The following LRRC37A2 variants were observed in gnomAD, a reference collection of about 807,000 sequenced individuals.
LRRC37A2 encodes leucine-rich repeat-containing protein 37A2.
A neutral mutation model predicts 68.8 loss-of-function variants in LRRC37A2; 9 were observed. The observed-to-expected ratio is 0.13, with a 90% CI of 0.08 to 0.23. The LOEUF (loss-of-function observed/expected upper bound fraction) is 0.23, where lower values mean the gene tolerates loss of function less well. Ranked by LOEUF, LRRC37A2 falls within the 10% of genes least tolerant of loss-of-function variation. The pLI is 1.00. For synonymous variants in LRRC37A2, 63 were observed against 367.6 expected (o/e 0.17, Z 9.48); for missense variants, 168 against 950.4 (o/e 0.18, Z 10.82).
chr17:46,849,597 G>T, the LRRC37A2 span, among the ~76,000 whole-genome samples: 1 of 152,212 alleles, frequency 6.6e-6, no homozygotes, highest in Admixed American at 6.5e-5. Context: ...TGCTGGAGCT[G>T]GGTCCAGCTG....
At chr17:46,694,302 G>A in the LRRC37A2 span, among the ~76,000 whole-genome samples, 3 of 139,058 alleles carry the variant, frequency 2.2e-5, no homozygotes, top group Non-Finnish European at 4.4e-5. Context: ...TAGGAGAATC[G>A]CCTGAATCCA....
At chr17:46,993,879 CAG>C in the LRRC37A2 span, among the ~76,000 whole-genome samples, 10,178 of 152,308 alleles carry the variant, frequency 0.067, 515 homozygotes, top group South Asian at 0.2. Flanking sequence ...AGATGAGGCT[CAG>C]AGAGTTGAAG....
At chr17:46,964,907 C>G in the LRRC37A2 span, 1 of 152,258 alleles carries the variant, frequency 6.6e-6, no homozygotes, top group Non-Finnish European at 1.5e-5. Flanking sequence ...GATTTGGCCT[C>G]TAACTGCAAG....
the LRRC37A2 span, chr17:46,936,111 C>T: frequency 1.0e-6 from 1 of 985,786 alleles, no homozygotes; most frequent in Non-Finnish European, 1.2e-6. Flanking sequence ...CTGACAGTTG[C>T]AGTGTCTCAG....
At chr17:46,734,820 G>A in the LRRC37A2 span, among the ~76,000 whole-genome samples, 3 of 152,146 alleles carry the variant, frequency 2.0e-5, no homozygotes, top group Non-Finnish European at 4.4e-5. Context: ...ACTTTGAGAG[G>A]CCAAGGCAGG....
the LRRC37A2 span, chr17:46,933,745 G>A: frequency 1.8e-4 from 28 of 151,594 alleles, no homozygotes; most frequent in African/African-American, 6.8e-4. Context: ...GACCAAGGCA[G>A]TGGATTGTTC....
the LRRC37A2 span, among the ~76,000 whole-genome samples, chr17:46,454,105 T>C: frequency 1.0e-5 from 1 of 98,524 alleles, no homozygotes; most frequent in Non-Finnish European, 2.2e-5. Flanking sequence ...ATTTTCTGTG[T>C]ACAGAAGCAT....
At chr17:46,816,765 G>A in the LRRC37A2 span, among the ~76,000 whole-genome samples, 1 of 152,144 alleles carries the variant, frequency 6.6e-6, no homozygotes, top group African/African-American at 2.4e-5. Context: ...CTCAGTCCCT[G>A]CCACCTATGG....
At chr17:46,858,604 A>C in the LRRC37A2 span, among the ~76,000 whole-genome samples, 1 of 152,158 alleles carries the variant, frequency 6.6e-6, no homozygotes, top group African/African-American at 2.4e-5. Flanking sequence ...CATAATAACT[A>C]GTATTGCAGT....
chr17:46,942,039 T>C, the LRRC37A2 span: 1 of 763,042 alleles, frequency 1.3e-6, no homozygotes, highest in Non-Finnish European at 1.6e-6. Context: ...CAAAAAAGAT[T>C]TGAGGAGACT....
the LRRC37A2 span, among the ~76,000 whole-genome samples, chr17:46,742,203 C>T: frequency 6.6e-6 from 1 of 152,170 alleles, no homozygotes; most frequent in Admixed American, 6.5e-5. Context: ...ACATGCCGTT[C>T]ATTCTAGATT....
chr17:46,837,287 C>G, the LRRC37A2 span, among the ~76,000 whole-genome samples: 1,193 of 152,276 alleles, frequency 7.8e-3, 11 homozygotes, highest in African/African-American at 0.028. Flanking sequence ...CCCCTTCATC[C>G]CTTTACTTAT....
chr17:46,983,813 C>G, the LRRC37A2 span, among the ~76,000 whole-genome samples: 3 of 152,206 alleles, frequency 2.0e-5, no homozygotes, highest in Non-Finnish European at 4.4e-5. Context: ...CTCAAGGTCT[C>G]TCATGAGGTT....
the LRRC37A2 span, among the ~76,000 whole-genome samples, chr17:46,955,022 G>C: frequency 2.0e-5 from 3 of 152,088 alleles, no homozygotes; most frequent in African/African-American, 4.8e-5. Context: ...CCTTCTGCCT[G>C]ATTGCCCTGG....
the LRRC37A2 span, among the ~76,000 whole-genome samples, chr17:46,850,142 G>C: frequency 6.6e-6 from 1 of 152,210 alleles, no homozygotes; most frequent in Non-Finnish European, 1.5e-5. Context: ...GAGCCAACGT[G>C]CCTGGCCAGC....
the LRRC37A2 span, among the ~76,000 whole-genome samples, chr17:46,834,672 T>A: frequency 6.6e-6 from 1 of 152,104 alleles, no homozygotes; most frequent in Non-Finnish European, 1.5e-5. Context: ...CCCTTCCCTG[T>A]CCTCTGTCAC....
At chr17:46,890,551 C>T in the LRRC37A2 span, among the ~76,000 whole-genome samples, 2 of 152,192 alleles carry the variant, frequency 1.3e-5, no homozygotes, top group African/African-American at 4.8e-5. Context: ...CATTTGGTCA[C>T]TCCATTTGAG....
At chr17:47,021,986 C>A in the LRRC37A2 span, 9 of 1,405,144 alleles carry the variant, frequency 6.4e-6, no homozygotes, top group Middle Eastern at 2.5e-4. Context: ...CTTGGTCCAG[C>A]ATTTTGAGGT....
At chr17:46,837,069 A>C in the LRRC37A2 span, among the ~76,000 whole-genome samples, 26 of 152,132 alleles carry the variant, frequency 1.7e-4, no homozygotes, top group African/African-American at 6.0e-4. Context: ...CAGCCTCCCA[A>C]GTAGCTAGGA....
Sources: allele counts gnomAD v4.1 joint callset (sites outside exome capture counted in the v4.1 genomes callset), GRCh38; gene constraint gnomAD v4.1.1; transcripts MANE v1.5; gene names NCBI Gene and HGNC (gene_info 2026-07-23, HGNC 2026-07-21).